Variants in SRBD1 observed in about 807,000 individuals in gnomAD.
SRBD1 encodes the protein S1 RNA-binding domain-containing protein 1.
SRBD1 carries 88 observed loss-of-function variants against 115.3 expected under a neutral mutation model. The observed-to-expected ratio is 0.76, with a 90% CI of 0.64 to 0.91. The LOEUF is 0.91. Ranked by LOEUF, SRBD1 falls within the 40% of genes least tolerant of loss-of-function variation. The pLI, the probability that SRBD1 is intolerant of heterozygous loss-of-function variation, is 0.00. For synonymous variants in SRBD1, 509 were observed against 407.7 expected (o/e 1.25, Z -2.99); for missense variants, 1,385 against 1,177.4 (o/e 1.18, Z -2.58).
At chr2:45,503,074 C>A (rs1167089593) in intron 14 of SRBD1, among the ~76,000 whole-genome samples, 1 of 152,106 alleles carries the variant, frequency 6.6e-6, no homozygotes, top group Non-Finnish European at 1.5e-5. Flanking sequence ...AAAGAAATAC[C>A]AAGCCCTTGA....
Position 45,540,741 on chromosome 2 carries a change from T to C in SRBD1, c.1874+5991A>G, listed in dbSNP as rs75316021. Among the ~76,000 whole-genome samples, 6 of 152,314 alleles carry C rather than the reference T, an allele frequency of 3.9e-5. No individual in the cohort carries two copies. The East Asian group carries it at 1.2e-3, about 29-fold the overall frequency. On this transcript the variant is annotated intron_variant, in intron 14 of 20. Coordinates refer to ENST00000263736, the MANE Select transcript of SRBD1 (RefSeq NM_018079.5). ...CAGATACCTCACTAAAGAAGATACATGGATGGCAAATAAGCAAATGAAGAT... is the reference window on the plus strand; with the variant it reads ...CAGATACCTCACTAAAGAAGATACACGGATGGCAAATAAGCAAATGAAGAT...
At chr2:45,413,417 C>A (rs1354452643) in intron 18 of SRBD1, 124 bp from the exon 19 acceptor site, 2 of 1,136,284 alleles carry the variant, frequency 1.8e-6, no homozygotes, top group Non-Finnish European at 2.4e-6. Context: ...AGATTTTGAC[C>A]TTTTACTTCA....
intron 14 of SRBD1, among the ~76,000 whole-genome samples, chr2:45,490,065 A>T (rs947899300): frequency 6.6e-6 from 1 of 152,184 alleles, no homozygotes; most frequent in Non-Finnish European, 1.5e-5. Context: ...CAGCTTCAAA[A>T]TTAAAAGGTA....
intron 16 of SRBD1, among the ~76,000 whole-genome samples, chr2:45,476,478 C>T (rs1267009720): frequency 6.6e-6 from 1 of 152,144 alleles, no homozygotes; most frequent in African/African-American, 2.4e-5. Flanking sequence ...TTGCTATCAC[C>T]ATAAATTCAC....
chr2:45,504,500 C>T (rs889683355), intron 14 of SRBD1, among the ~76,000 whole-genome samples: 2 of 151,962 alleles, frequency 1.3e-5, no homozygotes, highest in Admixed American at 6.6e-5. Flanking sequence ...GATCAACATA[C>T]GAGAAACAGA....
At chr2:45,477,501 G>C (rs1004286506) in intron 15 of SRBD1, among the ~76,000 whole-genome samples, 14 of 152,040 alleles carry the variant, frequency 9.2e-5, no homozygotes, top group Non-Finnish European at 1.6e-4. Flanking sequence ...ATGCTTATTA[G>C]AACTCGATCC....
chr2:45,514,136 A>T (rs1671052904), intron 14 of SRBD1, among the ~76,000 whole-genome samples: 1 of 152,200 alleles, frequency 6.6e-6, no homozygotes, highest in African/African-American at 2.4e-5. Flanking sequence ...AAGCCATGGG[A>T]TATGATTACG....
At chr2:45,487,324 C>T (rs1445144754) in intron 15 of SRBD1, among the ~76,000 whole-genome samples, 1 of 152,052 alleles carries the variant, frequency 6.6e-6, no homozygotes, top group Non-Finnish European at 1.5e-5. Context: ...CTTATGATAC[C>T]AACTGCTTTC....
chr2:45,451,638 T>A (rs573454467), intron 16 of SRBD1, among the ~76,000 whole-genome samples: 5 of 151,392 alleles, frequency 3.3e-5, no homozygotes, highest in African/African-American at 1.2e-4. Flanking sequence ...ATTTTAAAAT[T>A]GTTCCACAAC....
intron 16 of SRBD1, among the ~76,000 whole-genome samples, chr2:45,466,157 T>G (rs2103788430): frequency 6.6e-6 from 1 of 152,260 alleles, no homozygotes; most frequent in Middle Eastern, 3.4e-3. Flanking sequence ...TAGCTGTTCT[T>G]TTGTGTGTGT....
chr2:45,599,567 C>T lies in SRBD1; in HGVS notation c.530G>A (p.Gly177Asp). 6.2e-7 allele frequency: 1 copy of T among 1,614,186 alleles called. No individual in the cohort carries two copies. Among genetic ancestry groups the T allele is most frequent in the South Asian group, 1.1e-5 (1 of 91,086 alleles). The stretch of plus-strand genomic sequence containing the variant: ...CTTGATTTTCTTTAAAGCGGACTGA[C>T]CAAATGTAAAGTCATCGTCATTCTC... ...KEENDDDFTF[G>D]QSALKKIKTE... Residue 177 changes from glycine (G) to aspartate (D), a missense_variant, in exon 4 of 21, where the codon GGT becomes GAT. Physicochemically the swap from Gly to Asp is moderately conservative, Grantham distance 94. Transcript: ENST00000263736.
At chr2:45,611,040 T>C (rs1320654709) in intron 1 of SRBD1, among the ~76,000 whole-genome samples, 179 bp downstream of exon 1, 2 of 152,022 alleles carry the variant, frequency 1.3e-5, no homozygotes, top group Non-Finnish European at 2.9e-5. Context: ...GGTTTTCGGG[T>C]GGTCGGTTGT....
chr2:45,598,583 C>T (rs1029191570), intron 4 of SRBD1, among the ~76,000 whole-genome samples: 1 of 148,894 alleles, frequency 6.7e-6, no homozygotes, highest in African/African-American at 2.5e-5. Context: ...CTAGCCTGGG[C>T]GACAGAGCAA....
rs1452963895 is a variant in SRBD1 at position 45,535,019 on chromosome 2, G to A, written c.1874+11713C>T. Among the ~76,000 whole-genome samples the A allele has an allele frequency of 2.4e-4, 36 of 151,852 alleles. 1 individual carries two copies. Among genetic ancestry groups the A allele is most frequent in the Admixed American group, 2.4e-3 (36 of 15,238 alleles). On this transcript the variant is annotated intron_variant, in intron 14 of 20. Coordinates refer to ENST00000263736, the MANE Select transcript of SRBD1 (RefSeq NM_018079.5). ...ATGTATCCTTATTAAAATTCATATT[G>A]TTAGATTAGGTCCAAAAACTCAAGT...
chr2:45,577,450 G>A (rs1047454883), intron 7 of SRBD1, among the ~76,000 whole-genome samples: 20 of 152,136 alleles, frequency 1.3e-4, no homozygotes, highest in African/African-American at 4.1e-4. Context: ...CTCCACACCT[G>A]TAAACAAAAA....
intron 15 of SRBD1, among the ~76,000 whole-genome samples, chr2:45,487,470 T>C (rs1304738298): frequency 1.3e-5 from 2 of 152,184 alleles, no homozygotes; most frequent in Non-Finnish European, 2.9e-5. Context: ...ATGACAACTC[T>C]ATTAGCAAGA....
chr2:45,398,442 T>A lies in SRBD1; in HGVS notation c.2514-5313A>T, dbSNP rs139091941. ...GCAGTTTGTCTTCCAAAGGACTTGG[T>A]ATTATAAGCATCAGACTGTTACCTG... On this transcript the variant is annotated intron_variant, in intron 19 of 20. Coordinates refer to ENST00000263736, the MANE Select transcript of SRBD1 (RefSeq NM_018079.5). Among the ~76,000 whole-genome samples the A allele has an allele frequency of 3.6e-3, 542 of 152,296 alleles. 2 individuals are homozygous for A. The highest frequency in any genetic ancestry group is 6.3e-3 in the Non-Finnish European group (429 of 68,012).
chr2:45,602,466 C>T lies in SRBD1; in HGVS notation c.81-383G>A, dbSNP rs548414545. The stretch of plus-strand genomic sequence containing the variant: ...AGTGAAAAGCACTTAAATAAGTTCC[C>T]AACTACTAATCAAATTCATTTAAAT... On this transcript the variant is annotated intron_variant, in intron 2 of 20. Coordinates refer to ENST00000263736, the MANE Select transcript of SRBD1 (RefSeq NM_018079.5). Among the ~76,000 whole-genome samples the T allele has an allele frequency of 1.8e-4, 27 of 152,272 alleles. No homozygotes were observed. The South Asian group carries it at 2.1e-3, about 12-fold the overall frequency.
At chr2:45,529,727 T>C (rs978352352) in intron 14 of SRBD1, among the ~76,000 whole-genome samples, 1 of 151,956 alleles carries the variant, frequency 6.6e-6, no homozygotes, top group African/African-American at 2.4e-5. Context: ...AAAATAGGTA[T>C]CTGGGTTCCT....
Sources: gnomAD v4.1 joint callset for allele counts (sites outside exome capture counted in the v4.1 genomes callset) on GRCh38, gnomAD v4.1.1 for gene constraint, MANE v1.5 for transcripts, NCBI Gene and HGNC (gene_info 2026-07-23, HGNC 2026-07-21) for gene names.